The following ZFAND6 variants were observed in gnomAD, a reference collection of about 807,000 sequenced individuals.
ZFAND6 encodes zinc finger AN1-type containing 6, also known as AN1-type zinc finger protein 6.
A neutral mutation model predicts 24.5 loss-of-function variants in ZFAND6; 12 were observed. That is an observed-to-expected ratio of 0.49 (90% CI 0.31 to 0.79). ZFAND6 has a LOEUF of 0.79. ZFAND6 is among the 30% of genes least tolerant of loss of function. ZFAND6 has a pLI of 0.04. For missense variants in ZFAND6, 207 were observed against 245.9 expected (o/e 0.84, Z 1.06); for synonymous variants, 92 against 81.5 (o/e 1.13, Z -0.69).
At chr15:80,116,878 T>A (rs2039898698) in intron 2 of ZFAND6, among the ~76,000 whole-genome samples, 1 of 152,208 alleles carries the variant, frequency 6.6e-6, no homozygotes, top group South Asian at 2.1e-4. Context: ...AAAGATTGGA[T>A]ACCCTGATAT....
At chr15:80,126,452 G>GCTCTC (rs2040374067) in intron 5 of ZFAND6, among the ~76,000 whole-genome samples, 1 of 152,112 alleles carries the variant, frequency 6.6e-6, no homozygotes, top group Non-Finnish European at 1.5e-5. Context: ...AAGGTAAGTG[G>GCTCTC]AATAAAAAAT....
At chr15:80,080,997 C>T (rs1039623110) in intron 1 of ZFAND6, among the ~76,000 whole-genome samples, 6 of 152,186 alleles carry the variant, frequency 3.9e-5, no homozygotes. Context: ...GATTACAGTT[C>T]ACCATGAGAT....
chr15:80,121,056 G>A (rs1194881078), intron 3 of ZFAND6, among the ~76,000 whole-genome samples: 1 of 152,186 alleles, frequency 6.6e-6, no homozygotes, highest in Non-Finnish European at 1.5e-5. Flanking sequence ...GAAGGATCAT[G>A]CGGATTCCAA....
chr15:80,079,244 G>A (rs923919024), intron 1 of ZFAND6, among the ~76,000 whole-genome samples: 11 of 151,350 alleles, frequency 7.3e-5, no homozygotes, highest in African/African-American at 1.2e-4. Context: ...TTTTGGAGAC[G>A]GAGTCTCGCT....
At chr15:80,090,549 T>G (rs2038293899) in intron 1 of ZFAND6, among the ~76,000 whole-genome samples, 1 of 152,220 alleles carries the variant, frequency 6.6e-6, no homozygotes, top group African/African-American at 2.4e-5. Context: ...GTCCTGCAAT[T>G]CTGACTTACC....
chr15:80,104,749 T>C (rs183106908), intron 2 of ZFAND6, among the ~76,000 whole-genome samples: 3 of 152,326 alleles, frequency 2.0e-5, no homozygotes, highest in East Asian at 3.9e-4. Context: ...CTTGAAAGAA[T>C]AGAGTTGAAT....
At chr15:80,101,950 G>C (rs150056441) in intron 2 of ZFAND6, among the ~76,000 whole-genome samples, 1 of 151,576 alleles carries the variant, frequency 6.6e-6, no homozygotes, top group African/African-American at 2.4e-5. Context: ...CTGCCACCAC[G>C]CCTGGCTAAT....
At chr15:80,106,560 A>C (rs1411117881) in intron 2 of ZFAND6, among the ~76,000 whole-genome samples, 1 of 151,164 alleles carries the variant, frequency 6.6e-6, no homozygotes, top group Non-Finnish European at 1.5e-5. Flanking sequence ...AAAAAACCAA[A>C]TAATTTTTTC....
At chr15:80,087,657 A>G (rs535242213) in intron 1 of ZFAND6, among the ~76,000 whole-genome samples, 24 of 152,294 alleles carry the variant, frequency 1.6e-4, no homozygotes, top group African/African-American at 4.6e-4. Flanking sequence ...TCTAAGTGCT[A>G]TCAGAGGAAA....
intron 4 of ZFAND6, 109 bp from the exon 5 acceptor site, chr15:80,122,591 G>A: frequency 1.5e-6 from 1 of 676,570 alleles, no homozygotes; most frequent in South Asian, 1.9e-5. Flanking sequence ...GTATGTCTGT[G>A]TTCTCATCTT....
At chr15:80,121,971 G>T in intron 4 of ZFAND6, 151 bp downstream of exon 4, 1 of 655,848 alleles carries the variant, frequency 1.5e-6, no homozygotes, top group Non-Finnish European at 2.5e-6. Flanking sequence ...TAGAAAAAGC[G>T]ATTTCTTGCT....
chr15:80,111,049 C>G (rs2141981926), intron 2 of ZFAND6, among the ~76,000 whole-genome samples: 1 of 152,300 alleles, frequency 6.6e-6, no homozygotes, highest in South Asian at 2.1e-4. Context: ...AAGCTGTCAG[C>G]TTCAGTAATA....
chr15:80,110,416 G>A (rs2039549547), intron 2 of ZFAND6, among the ~76,000 whole-genome samples: 1 of 152,034 alleles, frequency 6.6e-6, no homozygotes. Flanking sequence ...TGAATCTAAA[G>A]GAGAACTAAA....
intron 1 of ZFAND6, chr15:80,072,489 C>G (rs1486262565): frequency 6.6e-6 from 1 of 152,034 alleles, no homozygotes; most frequent in African/African-American, 2.4e-5. Context: ...CGTATCCAAT[C>G]ACAATTATCA....
At chr15:80,087,567 G>A (rs1596231817) in intron 1 of ZFAND6, among the ~76,000 whole-genome samples, 1 of 152,126 alleles carries the variant, frequency 6.6e-6, no homozygotes, top group African/African-American at 2.4e-5. Flanking sequence ...CTCTCCTCTA[G>A]CTTCAGTTCC....
chr15:80,083,835 C>G (rs1338780759), intron 1 of ZFAND6, among the ~76,000 whole-genome samples: 1 of 152,192 alleles, frequency 6.6e-6, no homozygotes, highest in Admixed American at 6.5e-5. Context: ...GCACTCCAGC[C>G]TGGGCAACAG....
At chr15:80,129,362 TTG>T (rs2040500664) in intron 5 of ZFAND6, among the ~76,000 whole-genome samples, 1 of 152,242 alleles carries the variant, frequency 6.6e-6, no homozygotes, top group South Asian at 2.1e-4. Context: ...ATTTACTTGT[TTG>T]TGGCATTCTG....
chr15:80,130,622 A>G (rs1002203698), intron 5 of ZFAND6: 1 of 152,258 alleles, frequency 6.6e-6, no homozygotes, highest in Non-Finnish European at 1.5e-5. Flanking sequence ...TAAATGCATC[A>G]ACTTATTATC....
chr15:80,093,919 C>T (rs1254989979), intron 1 of ZFAND6, among the ~76,000 whole-genome samples: 1 of 152,120 alleles, frequency 6.6e-6, no homozygotes, highest in Non-Finnish European at 1.5e-5. Flanking sequence ...ATTCACCTGA[C>T]TTAGATCTGT....
Sources: allele counts gnomAD v4.1 joint callset (sites outside exome capture counted in the v4.1 genomes callset), GRCh38; gene constraint gnomAD v4.1.1; transcripts MANE v1.5; gene names NCBI Gene and HGNC (gene_info 2026-07-23, HGNC 2026-07-21).